Variants in STPG2 observed in about 807,000 individuals in gnomAD.
STPG2 encodes sperm-tail PG-rich repeat-containing protein 2.
A neutral mutation model predicts 54.2 loss-of-function variants in STPG2; 56 were observed. The observed-to-expected ratio is 1.03, with a 90% CI of 0.83 to 1.29. The LOEUF is 1.29. STPG2 is among the 50% of genes most tolerant of loss of function. The probability of loss-of-function intolerance (pLI) is 0.00; values close to 1 mark genes in which losing one functional copy is unlikely to be tolerated. For synonymous variants in STPG2, 200 were observed against 181.8 expected, an observed-to-expected ratio of 1.10 and a Z score of -0.81; for missense variants, 596 against 544.9, an observed-to-expected ratio of 1.09 and a Z score of -0.93.
chr4:97,978,822 AG>A (rs1286563196), intron 6 of STPG2, among the ~76,000 whole-genome samples: 1 of 152,186 alleles, frequency 6.6e-6, no homozygotes, highest in African/African-American at 2.4e-5. Flanking sequence ...AGGGGCTTAA[AG>A]GAAAAGATGT....
intron 9 of STPG2, among the ~76,000 whole-genome samples, chr4:97,777,333 C>A (rs959377694): frequency 6.7e-5 from 10 of 150,100 alleles, no homozygotes; most frequent in Admixed American, 6.6e-5. Context: ...AAAATCATCT[C>A]TTTCTTTAAA....
At chr4:98,137,576 T>C (rs906150229) in intron 1 of STPG2, among the ~76,000 whole-genome samples, 2 of 151,840 alleles carry the variant, frequency 1.3e-5, no homozygotes, top group African/African-American at 4.8e-5. Flanking sequence ...TTTAGGTTCA[T>C]ATGAACACTA....
chr4:98,026,591 C>T (rs986920415), intron 5 of STPG2, among the ~76,000 whole-genome samples: 12 of 152,102 alleles, frequency 7.9e-5, no homozygotes, highest in African/African-American at 2.9e-4. Context: ...CTCAGGAACC[C>T]TCAAGGACAG....
chr4:97,485,218 C>T lies in STPG2; in HGVS notation c.462+227481G>A, dbSNP rs182830743. ...GAAAGTCCTAGCCAGAGCAATCAGACAAGATAAAGAAATAAAGGGCATCCA... is the reference window on the plus strand; with the variant it reads ...GAAAGTCCTAGCCAGAGCAATCAGATAAGATAAAGAAATAAAGGGCATCCA... On this transcript the variant is annotated intron_variant, in intron 4 of 4. Transcript: ENST00000522676. Among the ~76,000 whole-genome samples the T allele has an allele frequency of 2.0e-3, 307 of 151,896 alleles. 2 individuals carry two copies. Among genetic ancestry groups the T allele is most frequent in the African/African-American group, 6.9e-3 (286 of 41,464 alleles).
At chr4:97,906,237 C>A (rs1731412659) in intron 8 of STPG2, among the ~76,000 whole-genome samples, 1 of 152,192 alleles carries the variant, frequency 6.6e-6, no homozygotes, top group Non-Finnish European at 1.5e-5. Context: ...ACTACAAACA[C>A]CTCTACGCAA....
intron 4 of STPG2, among the ~76,000 whole-genome samples, chr4:97,477,274 C>A (rs1019300074): frequency 1.3e-5 from 2 of 152,140 alleles, no homozygotes; most frequent in African/African-American, 2.4e-5. Context: ...ACACAGGGGT[C>A]ATTTATAATG....
Position 98,017,746 on chromosome 4 carries a change from T to A in STPG2, c.613-36428A>T, listed in dbSNP as rs1736012115. Among the ~76,000 whole-genome samples, 3 of 152,292 alleles carry A rather than the reference T, an allele frequency of 2.0e-5. No homozygotes were observed. In the South Asian group the frequency reaches 6.2e-4, roughly 32 times the overall value. The stretch of plus-strand genomic sequence containing the variant: ...CATCTCAAATTGTAATTCTCACATG[T>A]TGAGGGAGGACCTGGTGGGAGGAGA... On this transcript the variant is annotated intron_variant, in intron 5 of 10. Transcript: ENST00000295268.
intron 9 of STPG2, among the ~76,000 whole-genome samples, chr4:97,726,245 A>G (rs1455703648): frequency 6.6e-6 from 1 of 151,950 alleles, no homozygotes; most frequent in Non-Finnish European, 1.5e-5. Context: ...TGGCTAAAGT[A>G]GTCAAATTCA....
intron 7 of STPG2, among the ~76,000 whole-genome samples, chr4:97,972,064 T>G (rs1734345818): frequency 6.6e-6 from 1 of 152,192 alleles, no homozygotes; most frequent in Non-Finnish European, 1.5e-5. Context: ...AAACGCTATA[T>G]TTTTCATCTC....
At chr4:97,695,145 C>T (rs187329579) in intron 10 of STPG2, among the ~76,000 whole-genome samples, 21 of 149,986 alleles carry the variant, frequency 1.4e-4, no homozygotes, top group East Asian at 1.9e-4. Context: ...GATAATCCAC[C>T]GTGATCAAGT....
rs550952293 is a variant in STPG2 at position 98,014,467 on chromosome 4, T to G, written c.613-33149A>C. Among the ~76,000 whole-genome samples, 5 of 152,242 alleles carry G rather than the reference T, an allele frequency of 3.3e-5. No homozygotes were observed. The East Asian group carries it at 9.7e-4, about 29-fold the overall frequency. ...AGAACCTGGATACCTCGGTTGCCAG[T>G]GCAAAATTCACCTGCTGTTTTGGTT... On this transcript the variant is annotated intron_variant, in intron 5 of 10. Coordinates refer to ENST00000295268, the MANE Select transcript of STPG2 (RefSeq NM_174952.3).
At chr4:97,679,554 A>C (rs1722961736) in intron 10 of STPG2, among the ~76,000 whole-genome samples, 1 of 151,030 alleles carries the variant, frequency 6.6e-6, no homozygotes, top group Admixed American at 6.6e-5. Flanking sequence ...AGGTTGCAAA[A>C]ATTTTCTCCC....
At chr4:98,003,417 G>A (rs929859481) in intron 5 of STPG2, among the ~76,000 whole-genome samples, 7 of 151,014 alleles carry the variant, frequency 4.6e-5, no homozygotes, top group Non-Finnish European at 8.9e-5. Context: ...CTCCAAAGAC[G>A]AAAAAAACAC....
chr4:97,970,578 A>C (rs977064694), intron 7 of STPG2, among the ~76,000 whole-genome samples: 1 of 152,244 alleles, frequency 6.6e-6, no homozygotes, highest in African/African-American at 2.4e-5. Flanking sequence ...CCTATTTAAT[A>C]AATGATGTTG....
In STPG2 at chr4:97,929,287, T is replaced by C. The variant is rs1732451260; in HGVS notation, c.1044+14610A>G. 1.3e-5 allele frequency among the ~76,000 whole-genome samples: 2 copies of C among 152,212 alleles called. 1 individual carries two copies. Among genetic ancestry groups the C allele is most frequent in the Admixed American group, 1.3e-4 (2 of 15,272 alleles). On this transcript the variant is annotated intron_variant, in intron 8 of 10. Coordinates refer to ENST00000295268, the MANE Select transcript of STPG2 (RefSeq NM_174952.3). ...TCTCCAATCTGTCATTGATGAGCAT[T>C]TGGGTTGATTCCATGTCTTTGCTAT...
At chr4:97,688,758 T>C (rs911169385) in intron 10 of STPG2, among the ~76,000 whole-genome samples, 1 of 152,266 alleles carries the variant, frequency 6.6e-6, no homozygotes, top group East Asian at 1.9e-4. Context: ...GTAAGAATCT[T>C]ATAGAATAAT....
intron 9 of STPG2, among the ~76,000 whole-genome samples, chr4:97,789,257 C>T (rs766655729): frequency 2.6e-5 from 4 of 151,836 alleles, no homozygotes; most frequent in Non-Finnish European, 5.9e-5. Flanking sequence ...TTATGGTATT[C>T]AAATAAAATG....
chr4:98,091,267 T>A (rs759953885), intron 5 of STPG2, among the ~76,000 whole-genome samples: 70 of 152,010 alleles, frequency 4.6e-4, no homozygotes, highest in Admixed American at 1.2e-3. Flanking sequence ...TACTCTCAGA[T>A]CCCATCCATT....
chr4:97,935,401 GT>G (rs1732711338), intron 8 of STPG2, among the ~76,000 whole-genome samples: 1 of 152,084 alleles, frequency 6.6e-6, no homozygotes, highest in Non-Finnish European at 1.5e-5. Context: ...TCTGATCTTA[GT>G]TATTTCTTGT....
Sources: gnomAD v4.1 joint callset for allele counts (sites outside exome capture counted in the v4.1 genomes callset) on GRCh38, gnomAD v4.1.1 for gene constraint, MANE v1.5 for transcripts, NCBI Gene and HGNC (gene_info 2026-07-23, HGNC 2026-07-21) for gene names.